FRMD4B: variants seen among roughly 807,000 people sequenced by gnomAD.
FRMD4B encodes the protein FERM domain containing 4B.
A neutral mutation model predicts 141.5 loss-of-function variants in FRMD4B; 74 were observed. The observed-to-expected ratio is 0.52, with a 90% CI of 0.43 to 0.63. The LOEUF (loss-of-function observed/expected upper bound fraction) is 0.63. Ranked by LOEUF, FRMD4B falls within the 30% of genes least tolerant of loss-of-function variation. The pLI, the probability that FRMD4B is intolerant of heterozygous loss-of-function variation, is 0.00. For synonymous variants in FRMD4B, 506 were observed against 467.9 expected (o/e 1.08, Z -1.05); for missense variants, 1,366 against 1,253.4 (o/e 1.09, Z -1.36).
At position 69,196,890 on chromosome 3, in the gene FRMD4B, A is replaced by G. The variant is rs916129026; in HGVS notation, c.1092+10T>C. 2 of 1,600,968 alleles carry G rather than the reference A, an allele frequency of 1.2e-6. No individual in the cohort carries two copies. Among genetic ancestry groups the G allele is most frequent in the Admixed American group, 1.7e-5 (1 of 59,628 alleles). On this transcript the variant is annotated intron_variant, in intron 13 of 22. Coordinates refer to ENST00000398540, the MANE Select transcript of FRMD4B (RefSeq NM_015123.3). ...AATCTGTCCCTATAGAAATGATGCC[A>G]GTTACTTACTTTGCTTTGCTTCCGG...
intron 1 of FRMD4B, among the ~76,000 whole-genome samples, chr3:69,479,961 C>A (rs1236222751): frequency 2.6e-5 from 4 of 152,130 alleles, no homozygotes; most frequent in African/African-American, 9.7e-5. Context: ...TTCATTTCAT[C>A]TTCCATCACT....
chr3:69,195,821 T>A (rs2107650706), intron 14 of FRMD4B, among the ~76,000 whole-genome samples: 1 of 152,320 alleles, frequency 6.6e-6, no homozygotes, highest in South Asian at 2.1e-4. Context: ...TAAAGTTACA[T>A]ATACTTAATG....
chr3:69,343,274 C>T (rs150353448), intron 1 of FRMD4B, among the ~76,000 whole-genome samples: 3 of 152,198 alleles, frequency 2.0e-5, no homozygotes, highest in African/African-American at 7.2e-5. Context: ...TTTAATTACC[C>T]CCATCAGAAG....
intron 1 of FRMD4B, among the ~76,000 whole-genome samples, chr3:69,325,082 A>G (rs1010114114): frequency 1.2e-4 from 13 of 104,116 alleles, no homozygotes; most frequent in African/African-American, 8.8e-5. Flanking sequence ...GTCTAAAAAA[A>G]AAAAAAGAAA....
chr3:69,209,896 G>A (rs1181144721), intron 11 of FRMD4B, among the ~76,000 whole-genome samples: 3 of 152,136 alleles, frequency 2.0e-5, no homozygotes, highest in Non-Finnish European at 4.4e-5. Flanking sequence ...GGTCCAAGGT[G>A]GTATGGTCAT....
At chr3:69,430,602 G>C (rs1039447622) in intron 2 of FRMD4B, among the ~76,000 whole-genome samples, 3 of 152,182 alleles carry the variant, frequency 2.0e-5, no homozygotes, top group Non-Finnish European at 2.9e-5. Flanking sequence ...ACTGTGAAGA[G>C]GGCAAATGCT....
At chr3:69,200,303 T>C (rs1013781805) in intron 11 of FRMD4B, 3 of 497,170 alleles carry the variant, frequency 6.0e-6, no homozygotes, top group Non-Finnish European at 5.2e-6. Flanking sequence ...TCCGCACACA[T>C]AGCTGTCTGT....
At chr3:69,175,769 C>CTTTTT (rs141059202) in intron 22 of FRMD4B, among the ~76,000 whole-genome samples, 1 of 88,092 alleles carries the variant, frequency 1.1e-5, no homozygotes, top group African/African-American at 3.8e-5. Context: ...CTTTTCTTCT[C>CTTTTT]TTTTTTTTTT....
chr3:69,292,688 T>C (rs1700911447), intron 4 of FRMD4B, among the ~76,000 whole-genome samples: 1 of 152,124 alleles, frequency 6.6e-6, no homozygotes, highest in Non-Finnish European at 1.5e-5. Context: ...AAAATACATA[T>C]GGGCTTTGGG....
chr3:69,181,185 T>A lies in FRMD4B; in HGVS notation c.2565A>T (p.Arg855Ser). 7 of 1,613,962 alleles carry A rather than the reference T, an allele frequency of 4.3e-6. No individual in the cohort carries two copies. Among genetic ancestry groups the A allele is most frequent in the Non-Finnish European group, 5.9e-6 (7 of 1,179,886 alleles). The change falls in exon 21 of 23, where the codon AGA becomes AGT. Residue 855 changes from arginine to serine, a missense_variant. Arg to Ser is a moderately radical substitution (Grantham distance 110). Transcript: ENST00000398540. ...YGYERQRDYS[R>S]SFHEDEVDRV... ...GGTCGACCTCATCTTCGTGAAAGGA[T>A]CTGCTGTAGTCCCTCTGGCGCTCAT...
intron 1 of FRMD4B, among the ~76,000 whole-genome samples, chr3:69,367,308 TCTC>T (rs1703694581): frequency 6.6e-6 from 1 of 152,168 alleles, no homozygotes; most frequent in South Asian, 2.1e-4. Context: ...AGCAGAAACT[TCTC>T]CTTCATCCAC....
At chr3:69,237,246 C>G (rs2093351265) in intron 7 of FRMD4B, among the ~76,000 whole-genome samples, 1 of 152,224 alleles carries the variant, frequency 6.6e-6, no homozygotes, top group Non-Finnish European at 1.5e-5. Context: ...AAAGGAAACA[C>G]CCAGCTGGCT....
At chr3:69,212,385 A>G (rs2093094248) in intron 11 of FRMD4B, among the ~76,000 whole-genome samples, 5 of 126,424 alleles carry the variant, frequency 4.0e-5, no homozygotes, top group South Asian at 2.5e-4. Context: ...AAAAAAGAAA[A>G]AAAAAAAGAA....
intron 1 of FRMD4B, among the ~76,000 whole-genome samples, chr3:69,385,445 G>C (rs1275965022): frequency 6.6e-6 from 1 of 152,088 alleles, no homozygotes; most frequent in Admixed American, 6.5e-5. Flanking sequence ...GTGTGAAACC[G>C]TTGCTTCAGA....
intron 1 of FRMD4B, among the ~76,000 whole-genome samples, chr3:69,478,265 C>A (rs1706039292): frequency 6.6e-6 from 1 of 152,034 alleles, no homozygotes; most frequent in South Asian, 2.1e-4. Flanking sequence ...TGTGTTTTCT[C>A]TTGCTTTTCT....
intron 1 of FRMD4B, among the ~76,000 whole-genome samples, chr3:69,373,891 T>C (rs1021896302): frequency 6.6e-6 from 1 of 152,086 alleles, no homozygotes. Context: ...AATCAATCGA[T>C]TAATAAATGC....
At chr3:69,270,142 C>T (rs1036010586) in intron 5 of FRMD4B, among the ~76,000 whole-genome samples, 2 of 152,216 alleles carry the variant, frequency 1.3e-5, no homozygotes, top group Non-Finnish European at 2.9e-5. Context: ...TGGCCTACGG[C>T]GTAGCCAGGA....
chr3:69,398,641 T>C (rs547842462), intron 2 of FRMD4B, among the ~76,000 whole-genome samples: 1 of 152,332 alleles, frequency 6.6e-6, no homozygotes, highest in East Asian at 1.9e-4. Context: ...AGGGCTGCCA[T>C]GTAAGATTGT....
intron 3 of FRMD4B, among the ~76,000 whole-genome samples, chr3:69,302,949 C>T (rs1326660986): frequency 6.6e-6 from 1 of 152,084 alleles, no homozygotes; most frequent in African/African-American, 2.4e-5. Context: ...TGGCACGTGC[C>T]TGTAATCCCA....
Sources: gnomAD v4.1 joint callset for allele counts (sites outside exome capture counted in the v4.1 genomes callset) on GRCh38, gnomAD v4.1.1 for gene constraint, MANE v1.5 for transcripts, NCBI Gene and HGNC (gene_info 2026-07-23, HGNC 2026-07-21) for gene names.